MYBPC1: variants seen among roughly 807,000 people sequenced by gnomAD.
The protein encoded by MYBPC1 is myosin binding protein C1.
Under a neutral mutation model 147.1 loss-of-function variants are expected in MYBPC1, and 52 were observed. The observed-to-expected ratio is 0.35, with a 90% CI of 0.28 to 0.45. The LOEUF is 0.45. Among genes scored for constraint, MYBPC1 ranks in the 20% least tolerant of loss-of-function variants. MYBPC1 has a pLI of 1.00. For missense variants in MYBPC1, 1,228 were observed against 1,440.3 expected, an observed-to-expected ratio of 0.85 and a Z score of 2.39; for synonymous variants, 477 against 475.9, an observed-to-expected ratio of 1.00 and a Z score of -0.03.
intron 15 of MYBPC1, among the ~76,000 whole-genome samples, chr12:101,650,046 T>C (rs1894088348): frequency 6.6e-6 from 1 of 152,262 alleles, no homozygotes; most frequent in Non-Finnish European, 1.5e-5. Flanking sequence ...CATATAATCA[T>C]TGAATTATTC....
intron 11 of MYBPC1, 82 bp from the exon 12 acceptor site, chr12:101,644,582 T>A: frequency 7.7e-7 from 1 of 1,298,522 alleles, no homozygotes; most frequent in East Asian, 2.3e-5. Context: ...TGCTTTTAGG[T>A]TCTCCTACAT....
Position 101,629,416 on chromosome 12 carries a change from C to G in MYBPC1, c.179-18C>G, listed in dbSNP as rs1422952470. 1 of 1,502,600 alleles carries G rather than the reference C, an allele frequency of 6.7e-7. No homozygotes were observed. The highest frequency in any genetic ancestry group is 9.2e-7 in the Non-Finnish European group (1 of 1,091,480). The allele number at this position is 1,502,600 out of a possible 1,614,324, so 93.1% of individuals were successfully genotyped here. On this transcript the variant is annotated intron_variant, in intron 5 of 31. Coordinates refer to ENST00000361466, the MANE Select transcript of MYBPC1 (RefSeq NM_002465.4). ...GCCTGGCCCTGAAATAATCCTTTTC[C>G]TCCTTTCTGCTCATCAGACTGGACC...
At position 101,653,226 on chromosome 12, in the gene MYBPC1, C is replaced by G. The variant is rs568248091; in HGVS notation, c.1745C>G (p.Ala582Gly). Reference protein sequence around the residue: ...IPISGEPPPKAMWSRGDKAIM... With the variant: ...IPISGEPPPKGMWSRGDKAIM... ...ATCAGCGGAGAACCACCTCCTAAAG[C>G]CATGTGGAGCCGGGGAGATAAGGTT... is the stretch of plus-strand genomic sequence containing the variant. The change falls in exon 18 of 32, where the codon GCC becomes GGC. Residue 582 changes from alanine to glycine, a missense_variant. Coordinates refer to ENST00000361466, the MANE Select transcript of MYBPC1 (RefSeq NM_002465.4). The G allele has an allele frequency of 1.5e-5, 24 of 1,613,982 alleles. No homozygotes were observed. Among genetic ancestry groups the G allele is most frequent in the Non-Finnish European group, 2.0e-5 (24 of 1,180,030 alleles).
intron 1 of MYBPC1, among the ~76,000 whole-genome samples, chr12:101,598,021 T>C (rs11422261): frequency 0.049 from 6,995 of 142,698 alleles, 472 homozygotes; most frequent in African/African-American, 0.18. Flanking sequence ...CCTTTCTTTT[T>C]TTTTTTTTTT....
intron 22 of MYBPC1, among the ~76,000 whole-genome samples, chr12:101,665,736 C>G (rs1429188115): frequency 6.6e-6 from 1 of 152,136 alleles, no homozygotes; most frequent in East Asian, 1.9e-4. Flanking sequence ...TTGAAATTGT[C>G]TCTTTTACTA....
chr12:101,633,281 AG>A (rs910015404), intron 8 of MYBPC1, among the ~76,000 whole-genome samples: 1 of 152,158 alleles, frequency 6.6e-6, no homozygotes, highest in African/African-American at 2.4e-5. Flanking sequence ...TGTTGCAAAG[AG>A]GGGAAGGGGC....
Position 101,595,106 on chromosome 12 carries a change from T to C in MYBPC1, c.25+11T>C. 1.2e-6 allele frequency: 2 copies of C among 1,609,334 alleles called. No homozygotes were observed. The highest frequency in any genetic ancestry group is 1.7e-6 in the Non-Finnish European group (2 of 1,175,756). On this transcript the variant is annotated intron_variant, in intron 1 of 31. Coordinates refer to ENST00000361466, the MANE Select transcript of MYBPC1 (RefSeq NM_002465.4). Reference sequence around the variant, plus strand: ...CCACTAAGAAAGAGGGTAAGACTTATCTAGAAATCTTTTTGTTGTACTCCT... The same window carrying C: ...CCACTAAGAAAGAGGGTAAGACTTACCTAGAAATCTTTTTGTTGTACTCCT...
intron 28 of MYBPC1, among the ~76,000 whole-genome samples, chr12:101,679,686 A>G (rs1950806691): frequency 6.6e-6 from 1 of 152,228 alleles, no homozygotes; most frequent in Non-Finnish European, 1.5e-5. Context: ...TGATGAATAT[A>G]GACATCAGAG....
chr12:101,675,148 G>T (rs1899653774), intron 25 of MYBPC1, 144 bp from the exon 26 acceptor site: 3 of 1,084,086 alleles, frequency 2.8e-6, no homozygotes, highest in Non-Finnish European at 4.1e-6. Flanking sequence ...GAAGGCAAAG[G>T]GTCTCAGAAG....
downstream of MYBPC1, among the ~76,000 whole-genome samples, chr12:101,688,448 T>C (rs1951379852): frequency 6.6e-6 from 1 of 152,100 alleles, no homozygotes; most frequent in African/African-American, 2.4e-5. Context: ...GGTTCACGTT[T>C]CTTTATTTAC....
At chr12:101,686,624 G>A (rs962637548), downstream of MYBPC1, among the ~76,000 whole-genome samples, 9 of 152,210 alleles carry the variant, frequency 5.9e-5, no homozygotes, top group Admixed American at 5.2e-4. Flanking sequence ...CAGCATTACT[G>A]TTTATTCCCT....
At chr12:101,669,704 A>C (rs2136631798) in intron 23 of MYBPC1, among the ~76,000 whole-genome samples, 1 of 152,308 alleles carries the variant, frequency 6.6e-6, no homozygotes, top group East Asian at 1.9e-4. Flanking sequence ...TGGGAGACTA[A>C]GGCAGGTGGA....
chr12:101,631,280 T>A (rs1889828796), intron 6 of MYBPC1, among the ~76,000 whole-genome samples: 1 of 152,204 alleles, frequency 6.6e-6, no homozygotes, highest in Non-Finnish European at 1.5e-5. Flanking sequence ...TATGTCCATA[T>A]ATATGAAATA....
chr12:101,634,352 T>C lies in MYBPC1; in HGVS notation c.557-202T>C, dbSNP rs373623864. ...CAAGTTGAATGACACCTGAACAAGGTGACCCCAAGGTCCCTTCATTGGTTC... is the reference window on the plus strand; with the variant it reads ...CAAGTTGAATGACACCTGAACAAGGCGACCCCAAGGTCCCTTCATTGGTTC... On this transcript the variant is annotated intron_variant, in intron 8 of 31. Transcript: ENST00000361466. Among the ~76,000 whole-genome samples, 34 of 152,258 alleles carry C rather than the reference T, an allele frequency of 2.2e-4. No homozygotes were observed. In the East Asian group the frequency reaches 5.0e-3, roughly 22 times the overall value.
At chr12:101,618,706 ACT>A (rs970168894) in intron 3 of MYBPC1, among the ~76,000 whole-genome samples, 2 of 151,820 alleles carry the variant, frequency 1.3e-5, no homozygotes, top group African/African-American at 4.8e-5. Context: ...ACCAACAAAA[ACT>A]CTTTTATTTA....
intron 1 of MYBPC1, among the ~76,000 whole-genome samples, chr12:101,601,744 G>C (rs1880073772): frequency 6.6e-6 from 1 of 151,622 alleles, no homozygotes; most frequent in South Asian, 2.1e-4. Flanking sequence ...TTTTTGATGT[G>C]TATTTAGCTA....
chr12:101,692,337 T>C, the MYBPC1 span, among the ~76,000 whole-genome samples: 1 of 152,190 alleles, frequency 6.6e-6, no homozygotes, highest in African/African-American at 2.4e-5. Flanking sequence ...CAACATGATA[T>C]ATAGAAACTG....
At chr12:101,597,413 G>A (rs904860585) in intron 1 of MYBPC1, among the ~76,000 whole-genome samples, 2 of 152,152 alleles carry the variant, frequency 1.3e-5, no homozygotes, top group Non-Finnish European at 2.9e-5. Flanking sequence ...GGATCCAGGA[G>A]GATCTGGCAA....
At chr12:101,645,381 A>G (rs1443652338) in intron 12 of MYBPC1, among the ~76,000 whole-genome samples, 1 of 152,236 alleles carries the variant, frequency 6.6e-6, no homozygotes, top group Non-Finnish European at 1.5e-5. Context: ...CTAATCCCTG[A>G]CGTCTGATGG....
Sources: gnomAD v4.1 joint callset for allele counts (sites outside exome capture counted in the v4.1 genomes callset) on GRCh38, gnomAD v4.1.1 for gene constraint, MANE v1.5 for transcripts, NCBI Gene and HGNC (gene_info 2026-07-23, HGNC 2026-07-21) for gene names.